The following DACH1 variants were observed in gnomAD, a reference collection of about 807,000 sequenced individuals.
The protein encoded by DACH1 is dachshund family transcription factor 1.
Under a neutral mutation model 54.2 loss-of-function variants are expected in DACH1, and 12 were observed. The observed-to-expected ratio is 0.22, with a 90% CI of 0.14 to 0.36. The LOEUF is 0.36. Ranked by LOEUF, DACH1 falls within the 10% of genes least tolerant of loss-of-function variation. DACH1 has a pLI of 1.00. For missense variants in DACH1, 805 were observed against 929.8 expected (o/e 0.87, Z 1.75); for synonymous variants, 386 against 366.2 (o/e 1.05, Z -0.62).
chr13:71,798,323 CATATATAT>C (rs35310464), intron 1 of DACH1, among the ~76,000 whole-genome samples: 1,344 of 96,466 alleles, frequency 0.014, 17 homozygotes, highest in African/African-American at 0.026. Flanking sequence ...TTGTTACATA[CATATATAT>C]ATATATATAT....
chr13:71,645,622 T>C (rs371253482), intron 2 of DACH1, among the ~76,000 whole-genome samples: 80 of 152,288 alleles, frequency 5.3e-4, no homozygotes, highest in African/African-American at 1.8e-3. Context: ...ATCAAGGGAA[T>C]TCAAAGGATT....
rs1381642294 is a variant in DACH1 at position 71,858,959 on chromosome 13, A to G, written c.848+6963T>C. 2.0e-5 allele frequency among the ~76,000 whole-genome samples: 3 copies of G among 149,356 alleles called. No homozygotes were observed. In the South Asian group the frequency reaches 6.3e-4, roughly 32 times the overall value. On this transcript the variant is annotated intron_variant, in intron 1 of 10. Transcript: ENST00000613252. The stretch of plus-strand genomic sequence containing the variant: ...TGTCTCTCTCTCAGTATCAATCACT[A>G]CTCTCTAAAACTTTTTTAAAAAGTA...
At chr13:71,552,854 G>T (rs1320664884) in intron 6 of DACH1, among the ~76,000 whole-genome samples, 2 of 117,036 alleles carry the variant, frequency 1.7e-5, no homozygotes, top group Non-Finnish European at 3.5e-5. Context: ...GAGAGAGAGA[G>T]AGAGAGAGAG....
intron 4 of DACH1, among the ~76,000 whole-genome samples, chr13:71,562,224 G>A (rs1003085902): frequency 1.3e-5 from 2 of 152,058 alleles, no homozygotes; most frequent in South Asian, 2.1e-4. Context: ...TTAATTGATC[G>A]GGGTTAACAA....
At chr13:71,770,806 C>G (rs1039546875) in intron 1 of DACH1, among the ~76,000 whole-genome samples, 1 of 151,316 alleles carries the variant, frequency 6.6e-6, no homozygotes, top group East Asian at 1.9e-4. Flanking sequence ...AGACTTATGG[C>G]AACAAAACTA....
At chr13:71,614,111 G>T (rs919644655) in intron 3 of DACH1, among the ~76,000 whole-genome samples, 4 of 152,146 alleles carry the variant, frequency 2.6e-5, no homozygotes, top group African/African-American at 9.7e-5. Flanking sequence ...AATCCATTTT[G>T]CCTGGAACTA....
intron 1 of DACH1, among the ~76,000 whole-genome samples, chr13:71,834,065 T>C (rs1488914588): frequency 6.6e-6 from 1 of 152,028 alleles, no homozygotes; most frequent in Non-Finnish European, 1.5e-5. Flanking sequence ...AAATGTTCCT[T>C]TGTTTCCAGG....
chr13:71,862,677 A>C (rs1874435160), intron 1 of DACH1, among the ~76,000 whole-genome samples: 1 of 152,052 alleles, frequency 6.6e-6, no homozygotes, highest in Admixed American at 6.5e-5. Flanking sequence ...ATAACATACT[A>C]ATGCAATAGC....
intron 6 of DACH1, among the ~76,000 whole-genome samples, chr13:71,518,958 C>T (rs1881361880): frequency 6.6e-6 from 1 of 151,864 alleles, no homozygotes; most frequent in African/African-American, 2.4e-5. Flanking sequence ...ATTTCAAGAT[C>T]CGTAAAGTTT....
intron 6 of DACH1, among the ~76,000 whole-genome samples, chr13:71,492,270 G>A (rs1376867675): frequency 2.2e-4 from 33 of 151,934 alleles, no homozygotes; most frequent in Admixed American, 2.2e-3. Flanking sequence ...CTTTAAAAAA[G>A]GGTTTTCACA....
chr13:71,575,204 A>T (rs552062447), intron 3 of DACH1, among the ~76,000 whole-genome samples: 1 of 152,170 alleles, frequency 6.6e-6, no homozygotes, highest in Admixed American at 6.5e-5. Context: ...GCTTTGGAAT[A>T]AATATTATTT....
intron 2 of DACH1, among the ~76,000 whole-genome samples, chr13:71,655,355 G>T (rs1164071210): frequency 2.0e-5 from 3 of 146,582 alleles, no homozygotes; most frequent in Non-Finnish European, 3.0e-5. Context: ...CATTGGTGAT[G>T]TCTCTTTTTT....
At chr13:71,486,648 T>C (rs1207894926) in intron 7 of DACH1, among the ~76,000 whole-genome samples, 1 of 152,152 alleles carries the variant, frequency 6.6e-6, no homozygotes, top group African/African-American at 2.4e-5. Flanking sequence ...GTAGGATTTT[T>C]AATTTTTATT....
chr13:71,715,800 A>T (rs1259535860), intron 1 of DACH1, among the ~76,000 whole-genome samples: 2 of 151,910 alleles, frequency 1.3e-5, no homozygotes, highest in Non-Finnish European at 2.9e-5. Context: ...AATAACAAAA[A>T]CTCTGGAGAC....
intron 1 of DACH1, among the ~76,000 whole-genome samples, chr13:71,735,691 C>T (rs1884082365): frequency 6.7e-6 from 1 of 149,990 alleles, no homozygotes; most frequent in African/African-American, 2.4e-5. Flanking sequence ...TTGACAAACG[C>T]ATTGCTTAGA....
chr13:71,572,861 T>A lies in DACH1; in HGVS notation c.1278A>T (p.Arg426Ser). ...AAAQVQSPPSRVETSVIKERV... is the reference protein window; with the variant it reads ...AAAQVQSPPSSVETSVIKERV... ...TTACCTTAATAACTGATGTCTCAAC[T>A]CTGGATGGGGGACTCTGAACTTGTG... is the stretch of plus-strand genomic sequence containing the variant. The change falls in exon 4 of 11, where the codon AGA becomes AGT. Residue 426 changes from arginine to serine, a missense_variant. Physicochemically the swap from Arg to Ser is moderately radical, Grantham distance 110. Coordinates refer to ENST00000613252, the MANE Select transcript of DACH1 (RefSeq NM_080759.6). The A allele has an allele frequency of 6.2e-7, 1 of 1,613,108 alleles. No individual in the cohort carries two copies. Among genetic ancestry groups the A allele is most frequent in the Non-Finnish European group, 8.5e-7 (1 of 1,179,600 alleles).
intron 2 of DACH1, among the ~76,000 whole-genome samples, chr13:71,677,892 G>T (rs1346286046): frequency 6.6e-6 from 1 of 151,984 alleles, no homozygotes; most frequent in African/African-American, 2.4e-5. Flanking sequence ...GCTAATTTTT[G>T]TATTTTTAGT....
intron 1 of DACH1, among the ~76,000 whole-genome samples, chr13:71,710,101 T>A (rs1882638615): frequency 6.6e-6 from 1 of 152,092 alleles, no homozygotes; most frequent in South Asian, 2.1e-4. Context: ...ATATCTTGCA[T>A]CCAAATGTGA....
chr13:71,622,377 A>T (rs1200511712), intron 3 of DACH1, among the ~76,000 whole-genome samples: 3 of 152,026 alleles, frequency 2.0e-5, no homozygotes, highest in African/African-American at 7.2e-5. Flanking sequence ...ACATTATGAG[A>T]TATTTAAAAA....
Sources: allele counts gnomAD v4.1 joint callset (sites outside exome capture counted in the v4.1 genomes callset), GRCh38; gene constraint gnomAD v4.1.1; transcripts MANE v1.5; gene names NCBI Gene and HGNC (gene_info 2026-07-23, HGNC 2026-07-21).